The following SETBP1 variants were observed in gnomAD, a reference collection of about 807,000 sequenced individuals.
SETBP1 encodes the protein SET binding protein 1.
Under a neutral mutation model 101.0 loss-of-function variants are expected in SETBP1, and 9 were observed. That is an observed-to-expected ratio of 0.09 (90% CI 0.05 to 0.16). SETBP1 has a LOEUF of 0.16. Ranked by LOEUF, SETBP1 falls within the 10% of genes least tolerant of loss-of-function variation. The pLI, the probability that SETBP1 is intolerant of heterozygous loss-of-function variation, is 1.00. For synonymous variants in SETBP1, 818 were observed against 788.5 expected, an observed-to-expected ratio of 1.04 and a Z score of -0.63; for missense variants, 1,858 against 2,033.8, an observed-to-expected ratio of 0.91 and a Z score of 1.66.
At chr18:44,976,119 C>A (rs1160001211) in intron 4 of SETBP1, among the ~76,000 whole-genome samples, 1 of 150,104 alleles carries the variant, frequency 6.7e-6, no homozygotes, top group Non-Finnish European at 1.5e-5. Context: ...CACACACAGA[C>A]TCATACTCCT....
intron 2 of SETBP1, among the ~76,000 whole-genome samples, chr18:44,717,180 T>C (rs77115224): frequency 0.011 from 1,693 of 152,274 alleles, 47 homozygotes; most frequent in East Asian, 0.078. Flanking sequence ...CCTCATGCGG[T>C]GCTCAGGCAG....
chr18:44,800,149 T>C (rs2071574659), intron 2 of SETBP1, among the ~76,000 whole-genome samples: 1 of 152,176 alleles, frequency 6.6e-6, no homozygotes, highest in Admixed American at 6.5e-5. Flanking sequence ...CAGTGGTTTC[T>C]CTGGCCTGAG....
intron 3 of SETBP1, chr18:44,871,619 A>G (rs2069277095): frequency 6.6e-6 from 1 of 152,212 alleles, no homozygotes; most frequent in African/African-American, 2.4e-5. Context: ...AAGTGTGTAG[A>G]GTAGTGACTG....
At chr18:44,868,718 GGAAGGAAGGA>G (rs2069195497) in intron 2 of SETBP1, among the ~76,000 whole-genome samples, 1 of 8,300 alleles carries the variant, frequency 1.2e-4, no homozygotes, top group Non-Finnish European at 5.4e-4. Context: ...AAGGGAGGAA[GGAAGGAAGGA>G]AGGAAGGAAG....
intron 2 of SETBP1, among the ~76,000 whole-genome samples, chr18:44,750,631 G>T (rs1025847366): frequency 1.3e-5 from 2 of 152,158 alleles, no homozygotes; most frequent in Non-Finnish European, 1.5e-5. Flanking sequence ...TGTTTTGAAG[G>T]CATTTGGCCA....
At chr18:45,005,945 C>A (rs1240728924) in intron 4 of SETBP1, among the ~76,000 whole-genome samples, 2 of 103,156 alleles carry the variant, frequency 1.9e-5, no homozygotes, top group Non-Finnish European at 3.8e-5. Flanking sequence ...TGCACCCGGC[C>A]TTTTTTTTTT....
At chr18:44,846,104 G>A (rs1356768564) in intron 2 of SETBP1, among the ~76,000 whole-genome samples, 1 of 152,146 alleles carries the variant, frequency 6.6e-6, no homozygotes, top group Non-Finnish European at 1.5e-5. Context: ...ATCCTTAATG[G>A]GCTGCAGTCT....
chr18:44,779,458 C>T (rs1274755694), intron 2 of SETBP1, among the ~76,000 whole-genome samples: 2 of 152,214 alleles, frequency 1.3e-5, no homozygotes, highest in East Asian at 3.8e-4. Context: ...ATATAAACTG[C>T]TTCAGCATGT....
At chr18:44,871,841 C>G (rs1292764882) in intron 3 of SETBP1, 1 of 152,182 alleles carries the variant, frequency 6.6e-6, no homozygotes, top group East Asian at 1.9e-4. Flanking sequence ...AGGTGGTGAT[C>G]TCCCCAGAGG....
intron 3 of SETBP1, among the ~76,000 whole-genome samples, chr18:44,949,364 C>T (rs1002489321): frequency 1.3e-5 from 2 of 152,146 alleles, no homozygotes; most frequent in Admixed American, 6.5e-5. Flanking sequence ...CAGGAGGAAG[C>T]GAGGAAAGAC....
intron 4 of SETBP1, among the ~76,000 whole-genome samples, chr18:44,975,727 AG>A (rs1371271985): frequency 6.6e-6 from 1 of 152,218 alleles, no homozygotes; most frequent in East Asian, 1.9e-4. Flanking sequence ...ATAAAGGAAA[AG>A]TCATCTTTTC....
intron 2 of SETBP1, among the ~76,000 whole-genome samples, chr18:44,842,834 A>G (rs2072645650): frequency 6.6e-6 from 1 of 152,132 alleles, no homozygotes; most frequent in Non-Finnish European, 1.5e-5. Context: ...TGAGGAACCA[A>G]CTGTTACAGA....
chr18:44,858,384 GCA>G (rs1749353964), intron 2 of SETBP1, among the ~76,000 whole-genome samples: 1 of 152,320 alleles, frequency 6.6e-6, no homozygotes, highest in Non-Finnish European at 1.5e-5. Flanking sequence ...CAAATTGATT[GCA>G]CAGTTTTCAA....
chr18:44,686,509 C>A (rs1447478860), intron 1 of SETBP1, among the ~76,000 whole-genome samples: 1 of 152,284 alleles, frequency 6.6e-6, no homozygotes, highest in South Asian at 2.1e-4. Context: ...AGCAAGGCAC[C>A]CCACTTATGC....
chr18:44,925,041 G>A (rs148981037), intron 3 of SETBP1, among the ~76,000 whole-genome samples: 1 of 108,766 alleles, frequency 9.2e-6, no homozygotes, highest in South Asian at 3.2e-4. Context: ...TTTTTCACGA[G>A]AATGAGCTAA....
chr18:44,882,231 A>G (rs2069546060), intron 3 of SETBP1, among the ~76,000 whole-genome samples: 1 of 152,192 alleles, frequency 6.6e-6, no homozygotes, highest in Admixed American at 6.5e-5. Flanking sequence ...ATTTGGCTCC[A>G]TAGAAATGAA....
Position 45,066,946 on chromosome 18 carries a change from C to T in SETBP1, c.*3248C>T, listed in dbSNP as rs2073975213. On this transcript the variant is annotated 3_prime_UTR_variant, in exon 6 of 6. Transcript: ENST00000649279. ...TGTCTGGAAGAGCTACTTGCTCTTC[C>T]ACCCCTCATCTCAAATGAGAGGAGC... is the stretch of plus-strand genomic sequence containing the variant. The T allele has an allele frequency of 1.3e-5, 2 of 152,050 alleles. No individual in the cohort carries two copies. The highest frequency in any genetic ancestry group is 2.4e-5 in the African/African-American group (1 of 41,380). 9.4% of individuals were successfully genotyped at this position (152,050 alleles called of 1,614,324 possible). A position where few individuals can be genotyped will look rare whatever the true frequency, so the allele number is the denominator to read the frequency against.
chr18:44,715,732 C>T (rs987892937), intron 2 of SETBP1, among the ~76,000 whole-genome samples: 1 of 152,208 alleles, frequency 6.6e-6, no homozygotes, highest in Admixed American at 6.5e-5. Context: ...AGATTTCCAA[C>T]AAACTATCGT....
chr18:44,900,313 C>T (rs1355094055), intron 3 of SETBP1, among the ~76,000 whole-genome samples: 1 of 152,144 alleles, frequency 6.6e-6, no homozygotes, highest in African/African-American at 2.4e-5. Flanking sequence ...AGTTTGGGAA[C>T]CACTGCTCTT....
Sources: allele counts gnomAD v4.1 joint callset (sites outside exome capture counted in the v4.1 genomes callset), GRCh38; gene constraint gnomAD v4.1.1; transcripts MANE v1.5; gene names NCBI Gene and HGNC (gene_info 2026-07-23, HGNC 2026-07-21).